PRDM12: variants seen among roughly 807,000 people sequenced by gnomAD.
PRDM12 encodes PR/SET domain 12, also known as PR domain zinc finger protein 12.
Under a neutral mutation model 29.6 loss-of-function variants are expected in PRDM12, and 17 were observed. That is an observed-to-expected ratio of 0.57 (90% CI 0.39 to 0.86). The LOEUF (loss-of-function observed/expected upper bound fraction) is 0.86. Ranked by LOEUF, PRDM12 falls within the 40% of genes least tolerant of loss-of-function variation. PRDM12 has a pLI of 0.00. For missense variants in PRDM12, 422 were observed against 510.8 expected (o/e 0.83, Z 1.68); for synonymous variants, 231 against 225.8 (o/e 1.02, Z -0.21).
intron 4 of PRDM12, among the ~76,000 whole-genome samples, chr9:130,680,657 ATATT>A (rs200596316): frequency 3.4e-4 from 30 of 87,492 alleles, no homozygotes; most frequent in South Asian, 2.2e-3. Flanking sequence ...ATATATATAT[ATATT>A]TTTTTTTTTT....
At chr9:130,675,054 A>G (rs1346396365) in intron 3 of PRDM12, among the ~76,000 whole-genome samples, 1 of 151,922 alleles carries the variant, frequency 6.6e-6, no homozygotes, top group Non-Finnish European at 1.5e-5. Context: ...TAATTTTTGT[A>G]TTTTTGGTAG....
rs963574010 is a variant in PRDM12 at position 130,664,954 on chromosome 9, C to T, written c.223+78C>T. On this transcript the variant is annotated intron_variant, in intron 1 of 4. Coordinates refer to ENST00000253008, the MANE Select transcript of PRDM12 (RefSeq NM_021619.3). This position sits in a 1 kb window ranked among gnomAD's most constrained non-coding sequence, Gnocchi z 6.4. ...TCCCGTCCTGGCGATGCGCGAGACG[C>T]GGCTGGGATACCCGGCCTCGCTGCT... The T allele has an allele frequency of 3.9e-5, 54 of 1,371,246 alleles. No individual in the cohort carries two copies. Among genetic ancestry groups the T allele is most frequent in the Non-Finnish European group, 5.2e-5 (53 of 1,024,676 alleles). 84.9% of individuals were successfully genotyped at this position (1,371,246 alleles called of 1,614,324 possible). A position where few individuals can be genotyped will look rare whatever the true frequency, so the allele number is the denominator to read the frequency against.
At chr9:130,669,473 A>AGAT (rs112060069) in intron 3 of PRDM12, among the ~76,000 whole-genome samples, 8 of 152,044 alleles carry the variant, frequency 5.3e-5, no homozygotes, top group African/African-American at 1.9e-4. Flanking sequence ...CAGTGAGCCG[A>AGAT]GATAGTGTCA....
intron 3 of PRDM12, among the ~76,000 whole-genome samples, chr9:130,675,121 C>T (rs917110968): frequency 6.6e-6 from 1 of 152,232 alleles, no homozygotes; most frequent in Non-Finnish European, 1.5e-5. Flanking sequence ...CTCAAGTGAT[C>T]TGCCCGCCTC....
rs745422522 is a variant in PRDM12, at chr9:130,664,610, G to T, written c.-44G>T. On this transcript the variant is annotated 5_prime_UTR_variant, in exon 1 of 5. Transcript: ENST00000253008. This position sits in a 1 kb window ranked among gnomAD's most constrained non-coding sequence, Gnocchi z 6.4. ...CCCCTCTCGCCCGCCCACCTCCCCC[G>T]TCGGCCCGGCCGTCCCCCGGCGCCG... is the stretch of plus-strand genomic sequence containing the variant. 14 of 1,306,268 alleles carry T rather than the reference G, an allele frequency of 1.1e-5. No homozygotes were observed. The South Asian group carries it at 1.8e-4, about 17-fold the overall frequency. The allele number at this position is 1,306,268 out of a possible 1,614,324, so 80.9% of individuals were successfully genotyped here. A position where few individuals can be genotyped will look rare whatever the true frequency, so the allele number is the denominator to read the frequency against.
chr9:130,667,424 G>A lies in PRDM12; in HGVS notation c.414+626G>A, dbSNP rs190476363. On this transcript the variant is annotated intron_variant, in intron 2 of 4. Transcript: ENST00000253008. Reference sequence around the variant, plus strand: ...CCCATCACAGTGCCAGTGCCAGGGAGGGCCACCCCTGTGCTTCTTCCTAAC... The same window carrying A: ...CCCATCACAGTGCCAGTGCCAGGGAAGGCCACCCCTGTGCTTCTTCCTAAC... Among the ~76,000 whole-genome samples the A allele has an allele frequency of 4.5e-3, 678 of 152,270 alleles. 5 individuals carry two copies. The highest frequency in any genetic ancestry group is 6.8e-3 in the Non-Finnish European group (460 of 68,022).
At chr9:130,676,156 A>G (rs934807195) in intron 3 of PRDM12, among the ~76,000 whole-genome samples, 1 of 152,078 alleles carries the variant, frequency 6.6e-6, no homozygotes, top group Non-Finnish European at 1.5e-5. Flanking sequence ...CTTCCACCCC[A>G]GTGAGGTCTG....
intron 3 of PRDM12, among the ~76,000 whole-genome samples, chr9:130,670,993 T>C (rs1488523821): frequency 6.6e-6 from 1 of 152,122 alleles, no homozygotes; most frequent in Non-Finnish European, 1.5e-5. Context: ...GGGAAGCATT[T>C]GAGTTTATAG....
intron 4 of PRDM12, among the ~76,000 whole-genome samples, chr9:130,679,931 G>T (rs1338215266): frequency 6.6e-6 from 1 of 151,850 alleles, no homozygotes; most frequent in Non-Finnish European, 1.5e-5. Context: ...AAAGTGCTGG[G>T]ATTACAGGCA....
Position 130,675,005 on chromosome 9 carries a change from G to A in PRDM12, c.571-3524G>A, listed in dbSNP as rs1190568618. Among the ~76,000 whole-genome samples the A allele has an allele frequency of 5.3e-5, 8 of 152,060 alleles. No individual in the cohort carries two copies. In the South Asian group the frequency reaches 1.5e-3, roughly 28 times the overall value. The stretch of plus-strand genomic sequence containing the variant: ...GGCGATTCTCCTGCCTCAGCCTCCT[G>A]AGCAGGTGGGATTACAGGTGCCCAC... On this transcript the variant is annotated intron_variant, in intron 3 of 4. Coordinates refer to ENST00000253008, the MANE Select transcript of PRDM12 (RefSeq NM_021619.3).
chr9:130,667,548 C>T (rs1028519381), intron 2 of PRDM12, among the ~76,000 whole-genome samples: 30 of 152,254 alleles, frequency 2.0e-4, no homozygotes, highest in Admixed American at 1.8e-3. Flanking sequence ...CCGGCGGACC[C>T]TGGAGAAGCC....
In PRDM12 at chr9:130,668,323, T is replaced by G. The variant is rs1830752582; in HGVS notation, c.570+10T>G. ...CTACAAGGCCATTGAGGTGTGTGTG[T>G]GTGTGTGCACTGTTGTGTAGGGACC... is the stretch of plus-strand genomic sequence containing the variant. On this transcript the variant is annotated intron_variant, in intron 3 of 4. Transcript: ENST00000253008. This position sits in a 1 kb window ranked among gnomAD's most constrained non-coding sequence, Gnocchi z 4.0. 6.2e-7 allele frequency: 1 copy of G among 1,613,588 alleles called. No homozygotes were observed. The highest frequency in any genetic ancestry group is 1.7e-5 in the Admixed American group (1 of 59,998).
At chr9:130,679,341 T>A (rs1202906137) in intron 4 of PRDM12, among the ~76,000 whole-genome samples, 1 of 148,642 alleles carries the variant, frequency 6.7e-6, no homozygotes, top group Non-Finnish European at 1.5e-5. Context: ...TTTTTTTTTT[T>A]TTTTTTTTTG....
intron 3 of PRDM12, among the ~76,000 whole-genome samples, chr9:130,674,492 TTGTGTGTGTGTG>T (rs58489448): frequency 1.3e-4 from 18 of 142,896 alleles, no homozygotes; most frequent in Admixed American, 2.8e-4. Flanking sequence ...AAAAGATAAT[TTGTGTGTGTGTG>T]TGTGTGTGTG....
intron 1 of PRDM12, among the ~76,000 whole-genome samples, 181 bp from the exon 2 acceptor site, chr9:130,666,427 A>G (rs1830733562): frequency 6.6e-6 from 1 of 152,208 alleles, no homozygotes; most frequent in African/African-American, 2.4e-5. Flanking sequence ...CAAACAGAGG[A>G]GAGGTCGTTG....
chr9:130,671,463 A>C (rs1468710907), intron 3 of PRDM12, among the ~76,000 whole-genome samples: 1 of 151,756 alleles, frequency 6.6e-6, no homozygotes, highest in African/African-American at 2.4e-5. Flanking sequence ...TTTGGCTATC[A>C]GTGCTTTTAC....
intron 3 of PRDM12, among the ~76,000 whole-genome samples, chr9:130,677,585 C>T (rs1218096426): frequency 6.6e-6 from 1 of 152,224 alleles, no homozygotes; most frequent in Non-Finnish European, 1.5e-5. Context: ...GGAGTCCAGG[C>T]CTTGGGAGAG....
chr9:130,678,409 G>C, intron 3 of PRDM12, 120 bp from the exon 4 acceptor site: 1 of 700,236 alleles, frequency 1.4e-6, no homozygotes. Flanking sequence ...GGGACTGTGT[G>C]GCTTTCTCAG....
At position 130,681,209 on chromosome 9, in the gene PRDM12, C is replaced by T. The variant is rs746696599; in HGVS notation, c.683-39C>T. On this transcript the variant is annotated intron_variant, in intron 4 of 4. Coordinates refer to ENST00000253008, the MANE Select transcript of PRDM12 (RefSeq NM_021619.3). The surrounding 1 kb of genome is among the most constrained non-coding windows in gnomAD (Gnocchi z 8.1). ...TAACGGGGCTGCTCTCTCCCCTTCT[C>T]CGTCTCCCTTCCCCCGCCCCGCCCC... 6.4e-6 allele frequency: 9 copies of T among 1,409,216 alleles called. No homozygotes were observed. The South Asian group carries it at 1.2e-4, about 18-fold the overall frequency. 87.3% of individuals were successfully genotyped at this position (1,409,216 alleles called of 1,614,324 possible). A position where few individuals can be genotyped will look rare whatever the true frequency, so the allele number is the denominator to read the frequency against.
Sources: allele counts gnomAD v4.1 joint callset (sites outside exome capture counted in the v4.1 genomes callset), GRCh38; gene constraint gnomAD v4.1.1; non-coding constraint Gnocchi (gnomAD v3.1); transcripts MANE v1.5; gene names NCBI Gene and HGNC (gene_info 2026-07-23, HGNC 2026-07-21).